Variants in PTPRZ1 observed in about 807,000 individuals in gnomAD.
The protein encoded by PTPRZ1 is protein tyrosine phosphatase receptor type Z1, also known as receptor-type tyrosine-protein phosphatase zeta.
PTPRZ1 carries 82 observed loss-of-function variants against 214.1 expected under a neutral mutation model. That is an observed-to-expected ratio of 0.38 (90% CI 0.32 to 0.46). The LOEUF is 0.46. Ranked by LOEUF, PTPRZ1 falls within the 20% of genes least tolerant of loss-of-function variation. The pLI is 1.00. For synonymous variants in PTPRZ1, 945 were observed against 987.9 expected (o/e 0.96, Z 0.81); for missense variants, 2,603 against 2,748.7 (o/e 0.95, Z 1.19).
In PTPRZ1 at chr7:122,004,622, CT is replaced by C; in HGVS notation, c.1253del (p.Phe418SerfsTer4). ...TGTTTTTAATTTTGTAGAACTTGAT[CT>C]TTTCCCTGAATTAATTGGAACTGAA... ...DMPTDNPELDLFPELIGTEEI... is the reference protein window; with the variant it reads ...DMPTDNPELDXFPELIGTEEI... On this transcript the variant is annotated frameshift_variant, in exon 11 of 30. Transcript: ENST00000393386. LOFTEE classifies it high-confidence loss of function. 1 of 1,361,150 alleles carries C rather than the reference CT, an allele frequency of 7.3e-7. No homozygotes were observed. Among genetic ancestry groups the C allele is most frequent in the Non-Finnish European group, 1.0e-6 (1 of 979,320 alleles). The allele number at this position is 1,361,150 out of a possible 1,614,324, so 84.3% of individuals were successfully genotyped here.
chr7:121,969,379 T>A (rs1244916932), intron 3 of PTPRZ1, among the ~76,000 whole-genome samples: 1 of 152,080 alleles, frequency 6.6e-6, no homozygotes, highest in South Asian at 2.1e-4. Context: ...TTGGTCAACA[T>A]GGCAAAACCC....
chr7:122,010,562 C>A lies in PTPRZ1; in HGVS notation c.1516C>A (p.Pro506Thr), dbSNP rs182147530. The A allele has an allele frequency of 3.7e-6, 6 of 1,613,254 alleles. No homozygotes were observed. In the African/African-American group the frequency reaches 5.3e-5, roughly 14 times the overall value. ...PNTSLNSTSQ[P>T]VTKLATEKDI... ...TACATCTTTAAATTCCACTTCCCAA[C>A]CAGTCACTAAATTAGCCACAGAAAA... The change falls in exon 12 of 30, where the codon CCA becomes ACA. Residue 506 changes from proline to threonine, a missense_variant. Transcript: ENST00000393386.
intron 1 of PTPRZ1, among the ~76,000 whole-genome samples, chr7:121,880,276 T>C (rs1426314443): frequency 1.3e-5 from 2 of 152,188 alleles, no homozygotes; most frequent in African/African-American, 2.4e-5. Flanking sequence ...TAACAGGGGA[T>C]AGTTTTTTTT....
chr7:121,876,002 G>C (rs1794047670), intron 1 of PTPRZ1, among the ~76,000 whole-genome samples: 1 of 152,132 alleles, frequency 6.6e-6, no homozygotes, highest in Non-Finnish European at 1.5e-5. Flanking sequence ...TTGAACATTA[G>C]GCTGTCATTC....
chr7:121,979,182 C>T (rs1316774165), intron 6 of PTPRZ1, among the ~76,000 whole-genome samples: 1 of 152,138 alleles, frequency 6.6e-6, no homozygotes, highest in Non-Finnish European at 1.5e-5. Context: ...GCCCATTTCT[C>T]ATTCCTCCCC....
rs577103004 is a variant in PTPRZ1, at chr7:121,927,106, TAG to T, written c.59-1046_59-1045del. Among the ~76,000 whole-genome samples the T allele has an allele frequency of 3.5e-3, 531 of 152,276 alleles. 4 individuals carry two copies. The highest frequency in any genetic ancestry group is 0.014 in the South Asian group (69 of 4,828). On this transcript the variant is annotated intron_variant, in intron 1 of 29. Coordinates refer to ENST00000393386, the MANE Select transcript of PTPRZ1 (RefSeq NM_002851.3). Reference sequence around the variant, plus strand: ...ATGTCCTTGAGATATTTGCATCCAATAGAGAAAACAAATGTATAAAGAGAATA... The same window carrying T: ...ATGTCCTTGAGATATTTGCATCCAATAGAAAACAAATGTATAAAGAGAATA...
chr7:122,033,737 A>T (rs1799455139), intron 15 of PTPRZ1: 1 of 232,090 alleles, frequency 4.3e-6, no homozygotes, highest in African/African-American at 2.3e-5. Flanking sequence ...AAATAGTGCT[A>T]CTATGGTCAA....
chr7:121,888,128 GAC>G (rs1172781982), intron 1 of PTPRZ1, among the ~76,000 whole-genome samples: 3 of 152,002 alleles, frequency 2.0e-5, no homozygotes, highest in Non-Finnish European at 4.4e-5. Flanking sequence ...AGAAACGAGA[GAC>G]AGTGTTTTTT....
intron 2 of PTPRZ1, among the ~76,000 whole-genome samples, chr7:121,931,588 AC>A (rs1795926665): frequency 6.6e-6 from 1 of 151,982 alleles, no homozygotes; most frequent in South Asian, 2.1e-4. Context: ...CAGCCCAGGG[AC>A]CCTATGCATC....
intron 1 of PTPRZ1, among the ~76,000 whole-genome samples, chr7:121,926,353 A>T (rs1795764020): frequency 6.6e-6 from 1 of 151,928 alleles, no homozygotes; most frequent in East Asian, 1.9e-4. Flanking sequence ...TAAATTCTAT[A>T]ATAAAGGGAA....
intron 18 of PTPRZ1, among the ~76,000 whole-genome samples, chr7:122,038,228 C>T (rs1350563143): frequency 6.6e-6 from 1 of 152,090 alleles, no homozygotes; most frequent in African/African-American, 2.4e-5. Context: ...AACAGCCAAT[C>T]CATATTATGC....
intron 2 of PTPRZ1, among the ~76,000 whole-genome samples, chr7:121,943,917 C>T (rs1187178170): frequency 1.3e-5 from 2 of 152,140 alleles, no homozygotes; most frequent in Admixed American, 6.6e-5. Flanking sequence ...GAAGAGAAAG[C>T]ACATGCATGA....
chr7:121,977,043 T>C (rs890181296), intron 6 of PTPRZ1, among the ~76,000 whole-genome samples, 192 bp downstream of exon 6: 3 of 152,206 alleles, frequency 2.0e-5, no homozygotes, highest in Admixed American at 1.3e-4. Context: ...TCAGAAAATT[T>C]TGTTACATCA....
At chr7:121,946,464 T>C (rs181625916) in intron 2 of PTPRZ1, among the ~76,000 whole-genome samples, 162 of 152,268 alleles carry the variant, frequency 1.1e-3, no homozygotes, top group African/African-American at 3.7e-3. Context: ...TCACTCTTAA[T>C]TCATTTCCTG....
intron 3 of PTPRZ1, among the ~76,000 whole-genome samples, chr7:121,971,093 G>A (rs919572095): frequency 6.6e-6 from 1 of 151,924 alleles, no homozygotes; most frequent in African/African-American, 2.4e-5. Flanking sequence ...TTTCAGGTTT[G>A]TCAAAGATCA....
At chr7:122,060,364 C>T (rs1376373087) in intron 29 of PTPRZ1, among the ~76,000 whole-genome samples, 2 of 152,138 alleles carry the variant, frequency 1.3e-5, no homozygotes, top group Admixed American at 6.6e-5. Flanking sequence ...ATGCACAGTT[C>T]GCGAAAGCAT....
rs1321162944 is a variant in PTPRZ1, at chr7:122,011,948, C to T, written c.2902C>T (p.His968Tyr). Residue 968 changes from histidine to tyrosine, a missense_variant, in exon 12 of 30, where the codon CAT becomes TAT. Transcript: ENST00000393386. The part of the protein sequence containing the change: ...YQGSLFSGPS[H>Y]IPIPKSSLIT... ...GGGTTCCTTATTTAGCGGCCCTAGC[C>T]ATATACCAATACCTAAGTCTTCGTT... The T allele has an allele frequency of 2.5e-6, 4 of 1,614,076 alleles. No homozygotes were observed. In the African/African-American group the frequency reaches 5.3e-5, roughly 22 times the overall value.
chr7:121,887,541 A>G (rs944765803), intron 1 of PTPRZ1, among the ~76,000 whole-genome samples: 1 of 152,146 alleles, frequency 6.6e-6, no homozygotes, highest in Non-Finnish European at 1.5e-5. Flanking sequence ...GTCTATATAG[A>G]TTTTGAACTG....
intron 2 of PTPRZ1, among the ~76,000 whole-genome samples, chr7:121,959,162 G>A (rs1796801482): frequency 6.6e-6 from 1 of 152,142 alleles, no homozygotes; most frequent in African/African-American, 2.4e-5. Flanking sequence ...ATGCTAAAAG[G>A]AATTTGTGCT....
Sources: gnomAD v4.1 joint callset for allele counts (sites outside exome capture counted in the v4.1 genomes callset) on GRCh38, gnomAD v4.1.1 for gene constraint, MANE v1.5 for transcripts, NCBI Gene and HGNC (gene_info 2026-07-23, HGNC 2026-07-21) for gene names.